The following FRAS1 variants were observed in gnomAD, a reference collection of about 807,000 sequenced individuals.
FRAS1 encodes the protein Fraser extracellular matrix complex subunit 1, also known as extracellular matrix organizing protein FRAS1.
In FRAS1, 290 loss-of-function variants were observed where a neutral mutation model predicts 435.2. The observed-to-expected ratio is 0.67, with a 90% CI of 0.61 to 0.73. The LOEUF (loss-of-function observed/expected upper bound fraction) is 0.73. Ranked by LOEUF, FRAS1 falls within the 30% of genes least tolerant of loss-of-function variation. The pLI, the probability that FRAS1 is intolerant of heterozygous loss-of-function variation, is 0.00. For missense variants in FRAS1, 4,860 were observed against 5,001.5 expected (o/e 0.97, Z 0.85); for synonymous variants, 1,800 against 1,851.0 (o/e 0.97, Z 0.71).
At chr4:78,160,280 A>G (rs1348350149) in intron 2 of FRAS1, among the ~76,000 whole-genome samples, 1 of 152,232 alleles carries the variant, frequency 6.6e-6, no homozygotes, top group South Asian at 2.1e-4. Flanking sequence ...TAAGTTACAA[A>G]CTGGAGGACT....
chr4:78,245,384 G>A, intron 4 of FRAS1, 59 bp downstream of exon 4: 1 of 1,205,340 alleles, frequency 8.3e-7, no homozygotes, highest in Non-Finnish European at 1.2e-6. Context: ...CAAGGGAAAA[G>A]CTGAATGTTA....
intron 61 of FRAS1, 111 bp from the exon 62 acceptor site, chr4:78,507,310 A>G: frequency 1.0e-6 from 1 of 973,892 alleles, no homozygotes; most frequent in Non-Finnish European, 1.5e-6. Context: ...GAACACCACT[A>G]AAAAGAAAGA....
Position 78,333,394 on chromosome 4 carries a change from C to A in FRAS1, c.2260C>A (p.Gln754Lys). ...CCAGTGCCCAGATGGCTACTTTCAC[C>A]AGGAAGGTAGTTGCACAGGTGAGTA... ...LSQCPDGYFH[Q>K]EGSCTECHPT... Residue 754 changes from glutamine (Q) to lysine (K), a missense_variant, in exon 19 of 74, where the codon CAG becomes AAG. Coordinates refer to ENST00000512123, the MANE Select transcript of FRAS1 (RefSeq NM_025074.7). The A allele has an allele frequency of 6.2e-7, 1 of 1,611,460 alleles. No individual in the cohort carries two copies. Among genetic ancestry groups the A allele is most frequent in the Non-Finnish European group, 8.5e-7 (1 of 1,178,906 alleles).
At chr4:78,250,946 T>C (rs1725503321) in intron 4 of FRAS1, among the ~76,000 whole-genome samples, 1 of 152,228 alleles carries the variant, frequency 6.6e-6, no homozygotes, top group South Asian at 2.1e-4. Flanking sequence ...TTCTTATAAA[T>C]GCTTTTATAT....
chr4:78,263,998 AG>A (rs1323697601), intron 6 of FRAS1, among the ~76,000 whole-genome samples: 1 of 152,204 alleles, frequency 6.6e-6, no homozygotes, highest in Non-Finnish European at 1.5e-5. Context: ...TGAATACCAG[AG>A]TAACAATGAC....
chr4:78,473,813 T>C (rs1296487376), intron 53 of FRAS1, among the ~76,000 whole-genome samples: 1 of 151,566 alleles, frequency 6.6e-6, no homozygotes, highest in African/African-American at 2.4e-5. Flanking sequence ...TATATAATAC[T>C]TGGAATTCTG....
chr4:78,169,389 TG>T (rs1721461228), intron 2 of FRAS1, among the ~76,000 whole-genome samples: 1 of 152,084 alleles, frequency 6.6e-6, no homozygotes, highest in Non-Finnish European at 1.5e-5. Flanking sequence ...TGTGCTGTAA[TG>T]GAGTTTGAAT....
At position 78,081,404 on chromosome 4, in the gene FRAS1, C is replaced by T. The variant is rs952718480; in HGVS notation, c.108+15388C>T. On this transcript the variant is annotated intron_variant, in intron 2 of 73. Transcript: ENST00000512123. ...TTAAATAGTTATGCATGGCTAGTAG[C>T]TCCCATGCTGGGCAGTGCTGGTATA... 2.6e-5 allele frequency among the ~76,000 whole-genome samples: 4 copies of T among 152,082 alleles called. No homozygotes were observed. The South Asian group carries it at 8.3e-4, about 32-fold the overall frequency.
chr4:78,278,798 T>TG, intron 10 of FRAS1, 54 bp downstream of exon 10: 1 of 1,035,608 alleles, frequency 9.7e-7, no homozygotes, highest in Non-Finnish European at 1.5e-6. Context: ...AAAATTAATC[T>TG]AATGAGGGAA....
intron 2 of FRAS1, among the ~76,000 whole-genome samples, chr4:78,132,975 T>C (rs527356936): frequency 4.6e-5 from 7 of 152,296 alleles, no homozygotes; most frequent in African/African-American, 1.7e-4. Flanking sequence ...TCCTTTCATA[T>C]ATAAGTTCAG....
chr4:78,368,483 G>C (rs1389873242), intron 22 of FRAS1, among the ~76,000 whole-genome samples: 1 of 147,414 alleles, frequency 6.8e-6, no homozygotes, highest in African/African-American at 2.6e-5. Context: ...GCTGGTGCTT[G>C]TATATACCTT....
chr4:78,483,011 A>C (rs186131383), intron 58 of FRAS1, among the ~76,000 whole-genome samples: 3 of 152,322 alleles, frequency 2.0e-5, no homozygotes, highest in Admixed American at 6.5e-5. Context: ...TTTCAAGTGG[A>C]GACATATAGT....
chr4:78,463,929 C>G (rs757258898), intron 47 of FRAS1, 92 bp from the exon 48 acceptor site: 6 of 1,383,990 alleles, frequency 4.3e-6, no homozygotes, highest in African/African-American at 1.4e-5. Context: ...AAAGGACTCT[C>G]TATCTGGTGA....
intron 2 of FRAS1, among the ~76,000 whole-genome samples, chr4:78,230,983 C>T (rs1219503474): frequency 6.6e-6 from 1 of 152,112 alleles, no homozygotes; most frequent in Non-Finnish European, 1.5e-5. Context: ...GAGACGGAGT[C>T]TCACACTGTT....
intron 2 of FRAS1, chr4:78,181,377 A>C: frequency 6.2e-7 from 1 of 1,611,864 alleles, no homozygotes; most frequent in Non-Finnish European, 8.5e-7. Context: ...ACAGTTCCCC[A>C]GTTGTGAGAT....
At chr4:78,338,642 TG>T (rs1205893796) in intron 20 of FRAS1, among the ~76,000 whole-genome samples, 1 of 151,980 alleles carries the variant, frequency 6.6e-6, no homozygotes, top group Non-Finnish European at 1.5e-5. Flanking sequence ...ACTGGGCAAA[TG>T]GGAAAGGTGA....
chr4:78,515,796 C>G lies in FRAS1; in HGVS notation c.10175-3C>G, dbSNP rs762293003. ...TCGTTCCTTGTTCTTCCCTCCCTGG[C>G]AGAGGCAGGGTTCCTGGATGATGTG... On this transcript the variant is annotated splice_polypyrimidine_tract_variant and splice_region_variant and intron_variant, in intron 65 of 73. Coordinates refer to ENST00000512123, the MANE Select transcript of FRAS1 (RefSeq NM_025074.7). 5.6e-6 allele frequency: 9 copies of G among 1,613,132 alleles called. No individual in the cohort carries two copies. The highest frequency in any genetic ancestry group is 7.6e-6 in the Non-Finnish European group (9 of 1,179,534).
chr4:78,473,932 A>G (rs1719787660), intron 53 of FRAS1, among the ~76,000 whole-genome samples: 1 of 152,218 alleles, frequency 6.6e-6, no homozygotes, highest in Non-Finnish European at 1.5e-5. Flanking sequence ...CCAGGATGTA[A>G]GCCCAGTGAT....
intron 22 of FRAS1, among the ~76,000 whole-genome samples, chr4:78,368,418 T>C (rs1044230431): frequency 1.3e-5 from 2 of 151,364 alleles, no homozygotes; most frequent in African/African-American, 2.4e-5. Context: ...TGGGTTTCTC[T>C]CTGTACTTTT....
Sources: allele counts gnomAD v4.1 joint callset (sites outside exome capture counted in the v4.1 genomes callset), GRCh38; gene constraint gnomAD v4.1.1; transcripts MANE v1.5; gene names NCBI Gene and HGNC (gene_info 2026-07-23, HGNC 2026-07-21).